DPP6: variants seen among roughly 807,000 people sequenced by gnomAD.
The protein encoded by DPP6 is dipeptidyl peptidase like 6.
In DPP6, 69 loss-of-function variants were observed where a neutral mutation model predicts 122.6. The observed-to-expected ratio is 0.56, with a 90% CI of 0.46 to 0.69. The LOEUF is 0.69. DPP6 is among the 30% of genes least tolerant of loss of function. The probability of loss-of-function intolerance (pLI) is 0.00; values close to 1 mark genes in which losing one functional copy is unlikely to be tolerated. For synonymous variants in DPP6, 418 were observed against 433.1 expected (o/e 0.97, Z 0.43); for missense variants, 928 against 1,116.9 (o/e 0.83, Z 2.41).
Position 154,514,041 on chromosome 7 carries a change from G to A in DPP6, c.458-26491G>A, listed in dbSNP as rs142374467. Among the ~76,000 whole-genome samples the A allele has an allele frequency of 6.1e-3, 935 of 152,248 alleles. 6 individuals are homozygous for A. Among genetic ancestry groups the A allele is most frequent in the Middle Eastern group, 0.024 (7 of 294 alleles). ...TGTAATCCTATCACTTTGGGAGGCC[G>A]AGGTAGTGGATTACCTGAGGTCAGG... On this transcript the variant is annotated intron_variant, in intron 3 of 25. Coordinates refer to ENST00000377770, the MANE Select transcript of DPP6 (RefSeq NM_130797.4).
At chr7:153,979,145 T>G (rs1169034035) in intron 1 of DPP6, among the ~76,000 whole-genome samples, 1 of 152,080 alleles carries the variant, frequency 6.6e-6, no homozygotes, top group Non-Finnish European at 1.5e-5. Context: ...AGTATGGCCA[T>G]TTTCACAATA....
chr7:154,804,101 T>C (rs1798546156), intron 14 of DPP6, 146 bp downstream of exon 14: 3 of 1,064,576 alleles, frequency 2.8e-6, no homozygotes, highest in East Asian at 5.3e-5. Flanking sequence ...AGTTTCTTCA[T>C]GAAAATGTAT....
chr7:154,621,349 G>A (rs190524699), intron 5 of DPP6, among the ~76,000 whole-genome samples: 65 of 152,164 alleles, frequency 4.3e-4, no homozygotes, highest in African/African-American at 1.5e-3. Flanking sequence ...TTTGATATAT[G>A]ATTTCTAATT....
At chr7:153,868,655 G>A in the DPP6 span, among the ~76,000 whole-genome samples, 1 of 151,982 alleles carries the variant, frequency 6.6e-6, no homozygotes, top group East Asian at 1.9e-4. Context: ...ATTTCCTTCA[G>A]TTCTGCTCTG....
At position 154,220,227 on chromosome 7, in the gene DPP6, A is replaced by G. The variant is rs1014168096; in HGVS notation, c.243+167164A>G. On this transcript the variant is annotated intron_variant, in intron 1 of 25. Coordinates refer to ENST00000377770, the MANE Select transcript of DPP6 (RefSeq NM_130797.4). Reference sequence around the variant, plus strand: ...TCCTTAATGGGATTAAGCCCCTTATAAAAGGGGCTTCAGAGAGCTGCCTGG... The same window carrying G: ...TCCTTAATGGGATTAAGCCCCTTATGAAAGGGGCTTCAGAGAGCTGCCTGG... 2.6e-5 allele frequency among the ~76,000 whole-genome samples: 4 copies of G among 151,266 alleles called. No homozygotes were observed. The South Asian group carries it at 8.3e-4, about 31-fold the overall frequency.
At chr7:154,521,570 A>G (rs1319994820) in intron 3 of DPP6, among the ~76,000 whole-genome samples, 1 of 152,232 alleles carries the variant, frequency 6.6e-6, no homozygotes, top group African/African-American at 2.4e-5. Context: ...CATTAATCAA[A>G]GGCAAATTGG....
intron 16 of DPP6, among the ~76,000 whole-genome samples, chr7:154,829,983 T>C (rs1475593389): frequency 1.3e-5 from 2 of 152,180 alleles, no homozygotes; most frequent in South Asian, 2.1e-4. Context: ...GCAGCTGTGC[T>C]CTTGCCGCTG....
At chr7:154,288,659 A>G (rs954176856) in intron 1 of DPP6, among the ~76,000 whole-genome samples, 45 of 152,216 alleles carry the variant, frequency 3.0e-4, no homozygotes, top group Non-Finnish European at 1.2e-4. Context: ...GATTTATACA[A>G]TGAATCTCTC....
At position 154,755,278 on chromosome 7, in the gene DPP6, G is replaced by C. The variant is rs1192468790; in HGVS notation, c.884-14139G>C. On this transcript the variant is annotated intron_variant, in intron 8 of 25. Coordinates refer to ENST00000377770, the MANE Select transcript of DPP6 (RefSeq NM_130797.4). This position sits in a 1 kb window ranked among gnomAD's most constrained non-coding sequence, Gnocchi z 4.7. ...CTGGGCCTTATAGACAGTGTCACTT[G>C]ATAGGATGTTTTGAGACCCGGACAT... Among the ~76,000 whole-genome samples, 1 of 151,950 alleles carries C rather than the reference G, an allele frequency of 6.6e-6. No homozygotes were observed. Among genetic ancestry groups the C allele is most frequent in the Non-Finnish European group, 1.5e-5 (1 of 68,000 alleles).
intron 1 of DPP6, among the ~76,000 whole-genome samples, chr7:154,236,902 T>C (rs1174166987): frequency 6.6e-6 from 1 of 152,108 alleles, no homozygotes; most frequent in Admixed American, 6.5e-5. Flanking sequence ...GTTTCCCCGG[T>C]GCTCCCCAGC....
At chr7:154,245,635 C>CAAAAAAAAAAAAAAAAAAAAAAAAAAAA (rs71182888) in intron 1 of DPP6, among the ~76,000 whole-genome samples, 27 of 100,640 alleles carry the variant, frequency 2.7e-4, no homozygotes, top group East Asian at 9.4e-4. Flanking sequence ...AAGACTGTCT[C>CAAAAAAAAAAAAAAAAAAAAAAAAAAAA]AAAAAAAAAA....
chr7:153,976,221 G>A (rs1266209802), intron 1 of DPP6, among the ~76,000 whole-genome samples: 2 of 152,168 alleles, frequency 1.3e-5, no homozygotes, highest in Admixed American at 1.3e-4. Flanking sequence ...AGGATCCCCA[G>A]AGATACAGGG....
At chr7:153,857,950 G>T in the DPP6 span, among the ~76,000 whole-genome samples, 2 of 152,302 alleles carry the variant, frequency 1.3e-5, no homozygotes, top group East Asian at 3.9e-4. Context: ...GGAGTTCTCA[G>T]TTGACTCCAC....
chr7:154,468,151 C>T (rs1162187158), intron 2 of DPP6, among the ~76,000 whole-genome samples: 1 of 152,132 alleles, frequency 6.6e-6, no homozygotes, highest in Non-Finnish European at 1.5e-5. Flanking sequence ...ACATTCTGTA[C>T]GTATTACAAC....
chr7:153,860,309 G>A, the DPP6 span, among the ~76,000 whole-genome samples: 1 of 152,140 alleles, frequency 6.6e-6, no homozygotes, highest in East Asian at 1.9e-4. Context: ...CCCTTCTGGT[G>A]CCTCTCCACC....
At chr7:154,183,522 G>C (rs754861375) in intron 1 of DPP6, among the ~76,000 whole-genome samples, 1 of 152,102 alleles carries the variant, frequency 6.6e-6, no homozygotes, top group Non-Finnish European at 1.5e-5. Context: ...TGGTTCTTCC[G>C]GAGTGGTGAT....
intron 1 of DPP6, among the ~76,000 whole-genome samples, chr7:154,115,357 A>G (rs994403292): frequency 6.6e-6 from 1 of 152,232 alleles, no homozygotes; most frequent in Admixed American, 6.5e-5. Flanking sequence ...GCCAAACAAG[A>G]TGAATTTTGT....
At chr7:153,854,528 C>T in the DPP6 span, among the ~76,000 whole-genome samples, 1 of 140,826 alleles carries the variant, frequency 7.1e-6, no homozygotes, top group Admixed American at 7.2e-5. Context: ...CAAATCAAAA[C>T]CACAATGAGA....
At chr7:154,383,990 C>T (rs1318135211) in intron 1 of DPP6, among the ~76,000 whole-genome samples, 1 of 151,970 alleles carries the variant, frequency 6.6e-6, no homozygotes, top group Admixed American at 6.6e-5. Flanking sequence ...GAGCCTGAGT[C>T]TGCCCAGCAT....
Sources: gnomAD v4.1 joint callset for allele counts (sites outside exome capture counted in the v4.1 genomes callset) on GRCh38, gnomAD v4.1.1 for gene constraint, Gnocchi (gnomAD v3.1) non-coding constraint, MANE v1.5 for transcripts, NCBI Gene and HGNC (gene_info 2026-07-23, HGNC 2026-07-21) for gene names.